The following ENOX1 variants were observed in gnomAD, a reference collection of about 807,000 sequenced individuals.
ENOX1 encodes the protein candidate growth-related and time keeping constitutive hydroquinone (NADH) oxidase.
ENOX1 carries 42 observed loss-of-function variants against 82.5 expected under a neutral mutation model. That is an observed-to-expected ratio of 0.51 (90% CI 0.40 to 0.66). ENOX1 has a LOEUF of 0.66. ENOX1 is among the 30% of genes least tolerant of loss of function. The pLI is 0.00. For missense variants in ENOX1, 608 were observed against 811.6 expected (o/e 0.75, Z 3.05); for synonymous variants, 271 against 282.2 (o/e 0.96, Z 0.40).
intron 2 of ENOX1, among the ~76,000 whole-genome samples, chr13:43,507,803 C>T (rs1359794682): frequency 6.6e-6 from 1 of 151,654 alleles, no homozygotes; most frequent in Non-Finnish European, 1.5e-5. Context: ...GGTGAAAGTA[C>T]TTAAAAATGC....
intron 12 of ENOX1, among the ~76,000 whole-genome samples, chr13:43,288,181 C>A (rs1187446115): frequency 6.6e-6 from 1 of 152,060 alleles, no homozygotes; most frequent in Non-Finnish European, 1.5e-5. Flanking sequence ...CATGGTGGAC[C>A]CCAAATTTGG....
chr13:43,756,978 A>ACAACAAC (rs1566886776), intron 1 of ENOX1, among the ~76,000 whole-genome samples: 8 of 133,050 alleles, frequency 6.0e-5, no homozygotes, highest in African/African-American at 1.3e-4. Context: ...ACAACAAAAA[A>ACAACAAC]AAAAAAAAAA....
intron 1 of ENOX1, among the ~76,000 whole-genome samples, chr13:43,673,372 C>T (rs1396117962): frequency 6.6e-6 from 1 of 152,168 alleles, no homozygotes; most frequent in Non-Finnish European, 1.5e-5. Context: ...TCCCTAGGTG[C>T]AGCCAAGCCC....
Position 43,361,212 on chromosome 13 carries a change from T to C in ENOX1, c.382+67A>G. On this transcript the variant is annotated intron_variant, in intron 6 of 16. Coordinates refer to ENST00000690772, the MANE Select transcript of ENOX1 (RefSeq NM_001347969.2). ...GAGTCACATCTGAAAATGACTGCAA[T>C]GCCATTTTAAAATTTAAAAAGAAAA... 2.0e-6 allele frequency: 3 copies of C among 1,525,932 alleles called. No individual in the cohort carries two copies. In the South Asian group the frequency reaches 3.5e-5, roughly 18 times the overall value. The allele number at this position is 1,525,932 out of a possible 1,614,324, so 94.5% of individuals were successfully genotyped here. A position where few individuals can be genotyped will look rare whatever the true frequency, so the allele number is the denominator to read the frequency against.
At chr13:43,472,252 T>C (rs993053133) in intron 3 of ENOX1, among the ~76,000 whole-genome samples, 1 of 152,176 alleles carries the variant, frequency 6.6e-6, no homozygotes, top group Non-Finnish European at 1.5e-5. Flanking sequence ...GCATAGAACG[T>C]CTGTAGCCAT....
At chr13:43,597,157 G>A (rs1417977440) in intron 2 of ENOX1, among the ~76,000 whole-genome samples, 2 of 152,138 alleles carry the variant, frequency 1.3e-5, no homozygotes, top group Non-Finnish European at 2.9e-5. Context: ...ACCAGATCTT[G>A]TGAGAACTCA....
intron 2 of ENOX1, among the ~76,000 whole-genome samples, chr13:43,591,807 G>A (rs2081257615): frequency 6.6e-6 from 1 of 152,112 alleles, no homozygotes; most frequent in Admixed American, 6.6e-5. Flanking sequence ...TCCCATCCAC[G>A]AATACTGCCA....
intron 16 of ENOX1, among the ~76,000 whole-genome samples, chr13:43,215,379 C>T (rs2041418359): frequency 6.6e-6 from 1 of 152,182 alleles, no homozygotes; most frequent in East Asian, 1.9e-4. Context: ...TTCTGATACA[C>T]ACCATATTAG....
intron 2 of ENOX1, among the ~76,000 whole-genome samples, chr13:43,487,615 C>T (rs904551323): frequency 1.3e-5 from 2 of 152,114 alleles, no homozygotes; most frequent in African/African-American, 4.8e-5. Flanking sequence ...TTTAATGGAG[C>T]TTGGCAAGCT....
intron 3 of ENOX1, among the ~76,000 whole-genome samples, chr13:43,468,648 A>G (rs2057852360): frequency 6.6e-6 from 1 of 151,806 alleles, no homozygotes; most frequent in Non-Finnish European, 1.5e-5. Flanking sequence ...AAAAAAAAAA[A>G]ACAAAGCCAG....
At chr13:43,437,292 C>G (rs924487716) in intron 3 of ENOX1, among the ~76,000 whole-genome samples, 1 of 152,166 alleles carries the variant, frequency 6.6e-6, no homozygotes, top group Admixed American at 6.5e-5. Flanking sequence ...TTCAGCCTGA[C>G]GTGGTGATGG....
intron 9 of ENOX1, among the ~76,000 whole-genome samples, chr13:43,340,432 G>T (rs1017455634): frequency 6.6e-6 from 1 of 152,222 alleles, no homozygotes; most frequent in African/African-American, 2.4e-5. Context: ...TCACAATCTC[G>T]GTTGATATCT....
At chr13:43,779,119 G>T (rs948264547) in intron 1 of ENOX1, among the ~76,000 whole-genome samples, 1 of 149,836 alleles carries the variant, frequency 6.7e-6, no homozygotes, top group African/African-American at 2.5e-5. Context: ...AATCTAAGGA[G>T]CAATGCCCTC....
At chr13:43,760,073 T>C (rs534597396) in intron 1 of ENOX1, among the ~76,000 whole-genome samples, 28 of 152,320 alleles carry the variant, frequency 1.8e-4, no homozygotes, top group African/African-American at 6.5e-4. Context: ...TCTACTTGTC[T>C]GAAAGGTTAT....
intron 8 of ENOX1, among the ~76,000 whole-genome samples, chr13:43,350,841 C>G (rs865897338): frequency 1.3e-5 from 2 of 152,100 alleles, no homozygotes; most frequent in South Asian, 4.1e-4. Flanking sequence ...GCACTGAATA[C>G]GAAACTTAGG....
In ENOX1 at chr13:43,345,723, G is replaced by A. The variant is rs115390001; in HGVS notation, c.824-973C>T. ...TTGCCTACTTTCCAGGCAAACCTGAGGGGAGAAGCTTTTCATTGTGTTCTG... is the reference window on the plus strand; with the variant it reads ...TTGCCTACTTTCCAGGCAAACCTGAAGGGAGAAGCTTTTCATTGTGTTCTG... On this transcript the variant is annotated intron_variant, in intron 8 of 16. Coordinates refer to ENST00000690772, the MANE Select transcript of ENOX1 (RefSeq NM_001347969.2). Among the ~76,000 whole-genome samples the A allele has an allele frequency of 3.7e-3, 567 of 152,298 alleles. 6 individuals carry two copies. The highest frequency in any genetic ancestry group is 0.013 in the African/African-American group (549 of 41,564).
intron 2 of ENOX1, among the ~76,000 whole-genome samples, chr13:43,488,343 T>C (rs1593451984): frequency 6.6e-6 from 1 of 151,982 alleles, no homozygotes; most frequent in Non-Finnish European, 1.5e-5. Context: ...ACAGCAATAT[T>C]CCCCTCCAGA....
intron 3 of ENOX1, among the ~76,000 whole-genome samples, chr13:43,415,803 C>T (rs1394883884): frequency 6.6e-6 from 1 of 152,098 alleles, no homozygotes; most frequent in Non-Finnish European, 1.5e-5. Flanking sequence ...GGCGGCCGGG[C>T]AGAAGCGCTC....
intron 5 of ENOX1, among the ~76,000 whole-genome samples, chr13:43,363,238 G>T (rs2050639536): frequency 6.6e-6 from 1 of 152,140 alleles, no homozygotes; most frequent in Non-Finnish European, 1.5e-5. Context: ...AGAAAGTAAG[G>T]CTTAAAGTAC....
Sources: gnomAD v4.1 joint callset for allele counts (sites outside exome capture counted in the v4.1 genomes callset) on GRCh38, gnomAD v4.1.1 for gene constraint, MANE v1.5 for transcripts, NCBI Gene and HGNC (gene_info 2026-07-23, HGNC 2026-07-21) for gene names.